The following NUDCD1 variants were observed in gnomAD, a reference collection of about 807,000 sequenced individuals.
NUDCD1 encodes the protein nudC domain-containing protein 1.
NUDCD1 carries 60 observed loss-of-function variants against 67.8 expected under a neutral mutation model. That is an observed-to-expected ratio of 0.88 (90% CI 0.72 to 1.10). The LOEUF is 1.10. Ranked by LOEUF, NUDCD1 falls within the 50% of genes least tolerant of loss-of-function variation. NUDCD1 has a pLI of 0.00. For synonymous variants in NUDCD1, 244 were observed against 230.8 expected, an observed-to-expected ratio of 1.06 and a Z score of -0.52; for missense variants, 643 against 695.0, an observed-to-expected ratio of 0.93 and a Z score of 0.84.
At chr8:109,247,763 T>C (rs1813531721) in intron 8 of NUDCD1, among the ~76,000 whole-genome samples, 1 of 152,186 alleles carries the variant, frequency 6.6e-6, no homozygotes, top group Non-Finnish European at 1.5e-5. Flanking sequence ...CCCACTCTCG[T>C]GGTTATATGA....
Position 109,293,366 on chromosome 8 carries a change from G to T in NUDCD1, c.618C>A (p.Val206=). ...GSGFYVSLEW[V]TISKKNQDNK... The stretch of plus-strand genomic sequence containing the variant: ...TACCTTGATTTTTCTTACTGATAGT[G>T]ACCCACTCCAGAGAAACATAGAAAC... Residue 206 remains valine (V), a synonymous_variant, in exon 4 of 10, where the codon GTC becomes GTA. Transcript: ENST00000239690. 6.4e-7 allele frequency: 1 copy of T among 1,567,780 alleles called. No homozygotes were observed. Among genetic ancestry groups the T allele is most frequent in the South Asian group, 1.2e-5 (1 of 83,992 alleles).
intron 6 of NUDCD1, among the ~76,000 whole-genome samples, chr8:109,275,890 C>T (rs1814275107): frequency 6.6e-6 from 1 of 151,986 alleles, no homozygotes; most frequent in Non-Finnish European, 1.5e-5. Flanking sequence ...AGTAAAAGGG[C>T]TGTAATTAAA....
chr8:109,280,942 A>G (rs953617318), intron 6 of NUDCD1, 26 bp downstream of exon 6: 50 of 1,091,326 alleles, frequency 4.6e-5, no homozygotes, highest in Non-Finnish European at 6.1e-5. Context: ...ATAATAGAAT[A>G]TTAAAGTAAA....
chr8:109,325,439 C>T (rs1426249332), intron 1 of NUDCD1, among the ~76,000 whole-genome samples: 1 of 152,178 alleles, frequency 6.6e-6, no homozygotes, highest in Non-Finnish European at 1.5e-5. Flanking sequence ...ACACCGTATG[C>T]ATGCATCAAA....
At chr8:109,332,455 A>G (rs977445577) in intron 1 of NUDCD1, among the ~76,000 whole-genome samples, 1 of 152,242 alleles carries the variant, frequency 6.6e-6, no homozygotes, top group African/African-American at 2.4e-5. Context: ...AAGAGACCAC[A>G]CGGAGAAAAG....
chr8:109,327,708 A>G (rs1363076887), intron 1 of NUDCD1, among the ~76,000 whole-genome samples: 1 of 152,208 alleles, frequency 6.6e-6, no homozygotes, highest in African/African-American at 2.4e-5. Context: ...GCTAATTCCC[A>G]CACAGGTGTT....
At chr8:109,243,864 A>AT (rs1281462150) in intron 9 of NUDCD1, among the ~76,000 whole-genome samples, 2 of 152,170 alleles carry the variant, frequency 1.3e-5, no homozygotes, top group Non-Finnish European at 2.9e-5. Context: ...CTGTAACTGG[A>AT]TTTTTTTGTA....
intron 1 of NUDCD1, among the ~76,000 whole-genome samples, chr8:109,325,526 C>T (rs1216586606): frequency 1.3e-5 from 2 of 152,020 alleles, no homozygotes; most frequent in East Asian, 1.9e-4. Flanking sequence ...TGCATACCCA[C>T]TCCTCTACTT....
chr8:109,267,120 C>T (rs2926196), intron 8 of NUDCD1, among the ~76,000 whole-genome samples: 97,188 of 151,964 alleles, frequency 0.64, 32,589 homozygotes, highest in African/African-American at 0.85. Context: ...AAAATCAAAA[C>T]GCTTATAATT....
chr8:109,310,846 T>C (rs1243569261), intron 2 of NUDCD1, among the ~76,000 whole-genome samples: 1 of 142,654 alleles, frequency 7.0e-6, no homozygotes, highest in Non-Finnish European at 1.5e-5. Flanking sequence ...AGAAGGAGTC[T>C]TGTTCTGCTG....
At chr8:109,276,833 T>C (rs995438501) in intron 6 of NUDCD1, among the ~76,000 whole-genome samples, 2 of 152,096 alleles carry the variant, frequency 1.3e-5, no homozygotes, top group South Asian at 2.1e-4. Context: ...TGGCTAATAT[T>C]TGTATTTTTA....
At chr8:109,325,895 T>C (rs1186048246) in intron 1 of NUDCD1, among the ~76,000 whole-genome samples, 2 of 152,222 alleles carry the variant, frequency 1.3e-5, no homozygotes, top group Non-Finnish European at 1.5e-5. Flanking sequence ...AATCATCTGG[T>C]TGAGAGATAA....
chr8:109,292,054 T>C (rs1814723606), intron 4 of NUDCD1, among the ~76,000 whole-genome samples: 1 of 152,118 alleles, frequency 6.6e-6, no homozygotes, highest in Admixed American at 6.6e-5. Context: ...AGCATGAATT[T>C]TATATTTTTA....
At chr8:109,331,203 C>T (rs1255497473) in intron 1 of NUDCD1, among the ~76,000 whole-genome samples, 6 of 152,042 alleles carry the variant, frequency 3.9e-5, no homozygotes, top group East Asian at 1.9e-4. Flanking sequence ...GGCTTGGTGG[C>T]GGGCACTTGT....
chr8:109,330,156 G>A (rs767810728), intron 1 of NUDCD1, among the ~76,000 whole-genome samples: 1 of 152,126 alleles, frequency 6.6e-6, no homozygotes, highest in African/African-American at 2.4e-5. Context: ...GGAAATTGCC[G>A]GATCAAAAGA....
chr8:109,272,051 T>C (rs1814170428), intron 7 of NUDCD1, among the ~76,000 whole-genome samples: 1 of 151,836 alleles, frequency 6.6e-6, no homozygotes, highest in African/African-American at 2.4e-5. Flanking sequence ...TAAAAGAAGC[T>C]CTCAAGCCAG....
chr8:109,257,706 T>C (rs1813770082), intron 8 of NUDCD1, among the ~76,000 whole-genome samples: 1 of 152,126 alleles, frequency 6.6e-6, no homozygotes, highest in African/African-American at 2.4e-5. Flanking sequence ...TAGTACTGTC[T>C]AAAGAAGGAA....
rs1447212000 is a variant in NUDCD1, at chr8:109,241,834, T to C, written c.*1175A>G. ...TCTTCTGCCTCTTAAATGAAGGTCT[T>C]AACTTCCTTATTAAAATATAAAATC... On this transcript the variant is annotated 3_prime_UTR_variant, in exon 10 of 10. Transcript: ENST00000239690. 5 of 363,796 alleles carry C rather than the reference T, an allele frequency of 1.4e-5. No individual in the cohort carries two copies. The highest frequency in any genetic ancestry group is 2.4e-5 in the Non-Finnish European group (5 of 205,006). The allele number at this position is 363,796 out of a possible 1,614,324, so 22.5% of individuals were successfully genotyped here. A position where few individuals can be genotyped will look rare whatever the true frequency, so the allele number is the denominator to read the frequency against.
At chr8:109,280,622 ATATAT>A (rs1814411700) in intron 6 of NUDCD1, among the ~76,000 whole-genome samples, 1 of 152,212 alleles carries the variant, frequency 6.6e-6, no homozygotes, top group Admixed American at 6.5e-5. Context: ...AAGAATGGAA[ATATAT>A]TATCAAGCCA....
Sources: allele counts gnomAD v4.1 joint callset (sites outside exome capture counted in the v4.1 genomes callset), GRCh38; gene constraint gnomAD v4.1.1; transcripts MANE v1.5; gene names NCBI Gene and HGNC (gene_info 2026-07-23, HGNC 2026-07-21).